The following PCDHGB7 variants were observed in gnomAD, a reference collection of about 807,000 sequenced individuals.
The protein encoded by PCDHGB7 is protocadherin gamma subfamily B, 7.
PCDHGB7 carries 37 observed loss-of-function variants against 61.4 expected under a neutral mutation model. That is an observed-to-expected ratio of 0.60 (90% CI 0.46 to 0.79). The LOEUF is 0.79. Among genes scored for constraint, PCDHGB7 ranks in the 30% least tolerant of loss-of-function variants. The pLI is 0.00. For synonymous variants in PCDHGB7, 464 were observed against 503.5 expected (o/e 0.92, Z 1.05); for missense variants, 1,166 against 1,202.5 (o/e 0.97, Z 0.45).
At chr5:141,459,891 CT>C (rs1405964049) in intron 1 of PCDHGB7, among the ~76,000 whole-genome samples, 1 of 152,158 alleles carries the variant, frequency 6.6e-6, no homozygotes, top group African/African-American at 2.4e-5. Flanking sequence ...TGAACGCCTT[CT>C]TAAAATTGAG....
chr5:141,491,022 C>T lies in PCDHGB7; in HGVS notation c.2416-3785C>T, dbSNP rs1431293281. 6.8e-6 allele frequency: 11 copies of T among 1,614,116 alleles called. No homozygotes were observed. Among genetic ancestry groups the T allele is most frequent in the East Asian group, 2.2e-5 (1 of 44,886 alleles). On this transcript the variant is annotated intron_variant, in intron 1 of 3. Coordinates refer to ENST00000398594, the MANE Select transcript of PCDHGB7 (RefSeq NM_018927.4). The surrounding 1 kb of genome is among the most constrained non-coding windows in gnomAD (Gnocchi z 6.9). ...GCTCCTTGGTCACCAAGGTGACAGCCGTGGATGCTGATGCAGGCCACAATG... is the reference window on the plus strand; with the variant it reads ...GCTCCTTGGTCACCAAGGTGACAGCTGTGGATGCTGATGCAGGCCACAATG...
At chr5:141,456,777 A>G (rs572940615) in intron 1 of PCDHGB7, among the ~76,000 whole-genome samples, 2 of 152,214 alleles carry the variant, frequency 1.3e-5, no homozygotes, top group Admixed American at 6.5e-5. Flanking sequence ...AGCCTGGCCT[A>G]CATGGCAAAA....
intron 3 of PCDHGB7, among the ~76,000 whole-genome samples, chr5:141,506,435 G>C (rs1470687416): frequency 7.9e-6 from 1 of 126,278 alleles, no homozygotes; most frequent in East Asian, 2.1e-4. Flanking sequence ...CAACAGTCTC[G>C]CTCTGTCTCA....
intron 1 of PCDHGB7, chr5:141,428,805 C>G (rs1468764398): frequency 6.6e-6 from 1 of 152,108 alleles, no homozygotes; most frequent in African/African-American, 2.4e-5. Flanking sequence ...GGGCCAGTAA[C>G]TTCATTATTA....
intron 1 of PCDHGB7, among the ~76,000 whole-genome samples, chr5:141,460,110 A>G (rs966038979): frequency 2.0e-5 from 3 of 151,894 alleles, no homozygotes; most frequent in African/African-American, 7.2e-5. Context: ...ATTATATATG[A>G]TTTTTATATA....
At chr5:141,430,877 G>T in intron 1 of PCDHGB7, 1 of 1,600,796 alleles carries the variant, frequency 6.2e-7, no homozygotes. Flanking sequence ...GGAAGAGCTG[G>T]AGAAAGGCTC....
At chr5:141,481,327 T>C (rs2099535776) in intron 1 of PCDHGB7, among the ~76,000 whole-genome samples, 1 of 152,244 alleles carries the variant, frequency 6.6e-6, no homozygotes, top group Non-Finnish European at 1.5e-5. Context: ...CACTAGCCCC[T>C]GGACAACTAT....
chr5:141,432,427 C>G lies in PCDHGB7; in HGVS notation c.2415+12153C>G. 5 of 1,614,242 alleles carry G rather than the reference C, an allele frequency of 3.1e-6. No homozygotes were observed. The highest frequency in any genetic ancestry group is 4.2e-6 in the Non-Finnish European group (5 of 1,180,036). On this transcript the variant is annotated intron_variant, in intron 1 of 3. Transcript: ENST00000398594. The surrounding 1 kb of genome is among the most constrained non-coding windows in gnomAD (Gnocchi z 6.0). ...TGAGCCTGTTCGTGCTGGACCAGAA[C>G]GACAATGCGCCCGAGATCCTGTACC... is the stretch of plus-strand genomic sequence containing the variant.
Position 141,432,010 on chromosome 5 carries a change from CT to C in PCDHGB7, c.2415+11737del. The C allele has an allele frequency of 6.2e-7, 1 of 1,614,068 alleles. No individual in the cohort carries two copies. Among genetic ancestry groups the C allele is most frequent in the Non-Finnish European group, 8.5e-7 (1 of 1,180,022 alleles). ...TCTTGGATAGGGAACAGGTTCCTAG[CT>C]ACAACATCACAGTGACCGCCACTGA... On this transcript the variant is annotated intron_variant, in intron 1 of 3. Coordinates refer to ENST00000398594, the MANE Select transcript of PCDHGB7 (RefSeq NM_018927.4). This position sits in a 1 kb window ranked among gnomAD's most constrained non-coding sequence, Gnocchi z 6.0.
rs778589637 is a variant in PCDHGB7 at position 141,487,133 on chromosome 5, C to T, written c.2416-7674C>T. On this transcript the variant is annotated intron_variant, in intron 1 of 3. Coordinates refer to ENST00000398594, the MANE Select transcript of PCDHGB7 (RefSeq NM_018927.4). The surrounding 1 kb of genome is among the most constrained non-coding windows in gnomAD (Gnocchi z 5.0). ...TGTGGTAAAGGATAGTGGTAGTCCA[C>T]CACTCTCTACCTCTGTTACTCTCTT... 8.7e-6 allele frequency: 14 copies of T among 1,613,932 alleles called. No homozygotes were observed. In the South Asian group the frequency reaches 1.5e-4, roughly 18 times the overall value.
intron 1 of PCDHGB7, chr5:141,421,816 C>T (rs981400135): frequency 1.2e-5 from 19 of 1,613,696 alleles, no homozygotes; most frequent in Non-Finnish European, 1.4e-5. Context: ...AGAGCTAGTA[C>T]TGGAGGGAAG....
At position 141,419,018 on chromosome 5, in the gene PCDHGB7, AG is replaced by A. The variant is rs2096314197; in HGVS notation, c.1160del (p.Ser387IlefsTer18). 6.2e-7 allele frequency: 1 copy of A among 1,613,838 alleles called. No homozygotes were observed. The highest frequency in any genetic ancestry group is 1.3e-5 in the African/African-American group (1 of 74,926). ...GENGEVRCSL[S>X]RGVPFKIHSS... Reference sequence around the variant, plus strand: ...AAATGGGGAAGTCAGGTGTAGCTTAAGTAGAGGTGTTCCATTTAAGATTCAT... The same window carrying A: ...AAATGGGGAAGTCAGGTGTAGCTTAATAGAGGTGTTCCATTTAAGATTCAT... On this transcript the variant is annotated frameshift_variant, in exon 1 of 4. Coordinates refer to ENST00000398594, the MANE Select transcript of PCDHGB7 (RefSeq NM_018927.4). LOFTEE classifies it high-confidence loss of function.
Position 141,419,699 on chromosome 5 carries a change from C to G in PCDHGB7, c.1840C>G (p.Pro614Ala), listed in dbSNP as rs1488905080. ...LSYHVVQASE[P>A]GLFSLGLRTG... ...CTACCACGTGGTGCAGGCCAGTGAG[C>G]CCGGGCTCTTCAGCCTGGGGCTGCG... Residue 614 changes from proline (P) to alanine (A), a missense_variant, in exon 1 of 4, where the codon CCC becomes GCC. Coordinates refer to ENST00000398594, the MANE Select transcript of PCDHGB7 (RefSeq NM_018927.4). The G allele has an allele frequency of 5.6e-6, 9 of 1,612,806 alleles. No homozygotes were observed. The East Asian group carries it at 1.8e-4, about 32-fold the overall frequency.
Position 141,511,313 on chromosome 5 carries a change from C to T in PCDHGB7, c.*140C>T. ...CCAAGGCCATGCTCCCCTTGGGAAA[C>T]AGAAACAAGTGCCCAGTCAGCACCT... On this transcript the variant is annotated 3_prime_UTR_variant, in exon 4 of 4. Transcript: ENST00000398594. 2 of 1,482,944 alleles carry T rather than the reference C, an allele frequency of 1.3e-6. No homozygotes were observed. The highest frequency in any genetic ancestry group is 2.3e-5 in the Admixed American group (1 of 43,596). 91.9% of individuals were successfully genotyped at this position (1,482,944 alleles called of 1,614,324 possible).
chr5:141,500,186 T>A (rs1008615587), intron 2 of PCDHGB7, among the ~76,000 whole-genome samples: 7 of 99,362 alleles, frequency 7.0e-5, no homozygotes, highest in African/African-American at 3.5e-4. Flanking sequence ...ATTTTTATTT[T>A]TATTTATTTA....
At chr5:141,445,612 CT>C (rs996122021) in intron 1 of PCDHGB7, among the ~76,000 whole-genome samples, 1 of 151,994 alleles carries the variant, frequency 6.6e-6, no homozygotes, top group Non-Finnish European at 1.5e-5. Flanking sequence ...GGAAGGCTTT[CT>C]TTTTTTCGGA....
chr5:141,461,988 T>A (rs771762127), intron 1 of PCDHGB7, among the ~76,000 whole-genome samples: 1 of 152,170 alleles, frequency 6.6e-6, no homozygotes, highest in Non-Finnish European at 1.5e-5. Flanking sequence ...CACGCCAGGC[T>A]AATTTTGTAT....
Position 141,477,148 on chromosome 5 carries a change from T to A in PCDHGB7, c.2416-17659T>A. 1 of 1,614,172 alleles carries A rather than the reference T, an allele frequency of 6.2e-7. No individual in the cohort carries two copies. Among genetic ancestry groups the A allele is most frequent in the African/African-American group, 1.3e-5 (1 of 75,050 alleles). On this transcript the variant is annotated intron_variant, in intron 1 of 3. Transcript: ENST00000398594. This position sits in a 1 kb window ranked among gnomAD's most constrained non-coding sequence, Gnocchi z 4.9. ...GCAAAGTGTTGGTGGAGGTTGTGGA[T>A]GTGAATGACAACGCCCCGGAGATCA...
rs551414580 is a variant in PCDHGB7, at chr5:141,493,693, C to T, written c.2416-1114C>T. ...GCCCCAGAATGGTGCTGGTGACTCC[C>T]GATACACCTGGAATGCTAGGTTTCT... On this transcript the variant is annotated intron_variant, in intron 1 of 3. Coordinates refer to ENST00000398594, the MANE Select transcript of PCDHGB7 (RefSeq NM_018927.4). This position sits in a 1 kb window ranked among gnomAD's most constrained non-coding sequence, Gnocchi z 4.3. 5.3e-5 allele frequency among the ~76,000 whole-genome samples: 8 copies of T among 152,168 alleles called. No individual in the cohort carries two copies. Among genetic ancestry groups the T allele is most frequent in the Non-Finnish European group, 1.0e-4 (7 of 68,032 alleles).
Sources: gnomAD v4.1 joint callset for allele counts (sites outside exome capture counted in the v4.1 genomes callset) on GRCh38, gnomAD v4.1.1 for gene constraint, Gnocchi (gnomAD v3.1) non-coding constraint, MANE v1.5 for transcripts, NCBI Gene and HGNC (gene_info 2026-07-23, HGNC 2026-07-21) for gene names.